SKAP1: variants seen among roughly 807,000 people sequenced by gnomAD.
The protein encoded by SKAP1 is src kinase associated phosphoprotein 1, also known as src kinase-associated phosphoprotein 1.
A neutral mutation model predicts 58.5 loss-of-function variants in SKAP1; 44 were observed. The observed-to-expected ratio is 0.75, with a 90% CI of 0.59 to 0.97. The LOEUF is 0.97. SKAP1 is among the 50% of genes least tolerant of loss of function. The pLI, the probability that SKAP1 is intolerant of heterozygous loss-of-function variation, is 0.00. For synonymous variants in SKAP1, 127 were observed against 149.7 expected (o/e 0.85, Z 1.11); for missense variants, 390 against 435.2 (o/e 0.90, Z 0.92).
the SKAP1 span, among the ~76,000 whole-genome samples, chr17:48,437,480 C>T: frequency 1.3e-5 from 2 of 152,128 alleles, no homozygotes; most frequent in Admixed American, 6.5e-5. Flanking sequence ...TGGTGACTCA[C>T]GCCTGTAATC....
At chr17:48,353,123 A>G (rs1481452844) in intron 3 of SKAP1, among the ~76,000 whole-genome samples, 1 of 152,250 alleles carries the variant, frequency 6.6e-6, no homozygotes, top group Non-Finnish European at 1.5e-5. Context: ...TCCAATTCAT[A>G]GTTGAAATTT....
chr17:48,322,833 C>T (rs1158736056), intron 4 of SKAP1, among the ~76,000 whole-genome samples: 2 of 152,218 alleles, frequency 1.3e-5, no homozygotes, highest in African/African-American at 2.4e-5. Context: ...TGGCGGCTCA[C>T]GCCTGTAATC....
At chr17:48,302,390 T>C (rs2066071158) in intron 4 of SKAP1, among the ~76,000 whole-genome samples, 1 of 152,182 alleles carries the variant, frequency 6.6e-6, no homozygotes, top group Non-Finnish European at 1.5e-5. Flanking sequence ...CAATGAGATG[T>C]AGGGACTTTT....
chr17:48,415,138 T>C (rs1337839015), intron 1 of SKAP1, among the ~76,000 whole-genome samples: 1 of 152,184 alleles, frequency 6.6e-6, no homozygotes, highest in Non-Finnish European at 1.5e-5. Context: ...CAAATGCTGT[T>C]GAAAACAACT....
intron 2 of SKAP1, among the ~76,000 whole-genome samples, chr17:48,391,860 G>A (rs2067351606): frequency 6.9e-6 from 1 of 145,522 alleles, no homozygotes; most frequent in African/African-American, 2.5e-5. Flanking sequence ...AGAAAAAGAT[G>A]TTATGAGTAA....
At chr17:48,294,124 A>C (rs1432560132) in intron 4 of SKAP1, among the ~76,000 whole-genome samples, 3 of 152,214 alleles carry the variant, frequency 2.0e-5, no homozygotes, top group Admixed American at 2.0e-4. Flanking sequence ...TGTTTTCTTA[A>C]CAAAGCTTCA....
In SKAP1 at chr17:48,179,912, C is replaced by A. The variant is rs1220259681; in HGVS notation, c.826+142G>T. 4 of 737,812 alleles carry A rather than the reference C, an allele frequency of 5.4e-6. No homozygotes were observed. The East Asian group carries it at 1.1e-4, about 19-fold the overall frequency. The allele number at this position is 737,812 out of a possible 1,614,324, so 45.7% of individuals were successfully genotyped here. On this transcript the variant is annotated intron_variant, in intron 9 of 12. Coordinates refer to ENST00000336915, the MANE Select transcript of SKAP1 (RefSeq NM_003726.4). ...GCCTCATTACCCACTTCCCTACAAT[C>A]TCATAAAGCGTCCCACATTATCTCC...
At chr17:48,169,187 T>C (rs56342880) in intron 10 of SKAP1, among the ~76,000 whole-genome samples, 1,665 of 152,162 alleles carry the variant, frequency 0.011, 12 homozygotes, top group Non-Finnish European at 0.019. Flanking sequence ...CTCCCAGATA[T>C]AACCTTAGAG....
chr17:48,343,801 T>A (rs928957656), intron 4 of SKAP1, among the ~76,000 whole-genome samples: 2 of 152,184 alleles, frequency 1.3e-5, no homozygotes, highest in African/African-American at 4.8e-5. Context: ...TATGAATCTA[T>A]TTTTTTGGAT....
chr17:48,161,248 TA>T (rs2064063931), intron 11 of SKAP1, among the ~76,000 whole-genome samples: 1 of 151,662 alleles, frequency 6.6e-6, no homozygotes, highest in Non-Finnish European at 1.5e-5. Context: ...TACTGACACA[TA>T]AAAAAAAGAA....
rs111828188 is a variant in SKAP1 at position 48,354,210 on chromosome 17, C to T, written c.179-8204G>A. On this transcript the variant is annotated intron_variant, in intron 3 of 12. Coordinates refer to ENST00000336915, the MANE Select transcript of SKAP1 (RefSeq NM_003726.4). ...ATGGCAAATGGTGACAAGATTCAAC[C>T]TCCCCATGCCACATCCCACTCCAAA... Among the ~76,000 whole-genome samples the T allele has an allele frequency of 5.9e-5, 9 of 152,198 alleles. 3 individuals are homozygous for T. Among genetic ancestry groups the T allele is most frequent in the African/African-American group, 1.7e-4 (7 of 41,532 alleles).
chr17:48,227,038 G>A (rs74533419), intron 4 of SKAP1, among the ~76,000 whole-genome samples: 1 of 152,134 alleles, frequency 6.6e-6, no homozygotes, highest in East Asian at 1.9e-4. Flanking sequence ...TCTAGTTTTG[G>A]TTATTGAGCT....
At chr17:48,223,167 G>C (rs60707285) in intron 4 of SKAP1, among the ~76,000 whole-genome samples, 1 of 151,630 alleles carries the variant, frequency 6.6e-6, no homozygotes, top group Admixed American at 6.6e-5. Flanking sequence ...ATTCCTGTGT[G>C]GTTTTGGAGA....
At chr17:48,339,317 T>G (rs1039325378) in intron 4 of SKAP1, among the ~76,000 whole-genome samples, 3 of 152,190 alleles carry the variant, frequency 2.0e-5, no homozygotes, top group African/African-American at 7.2e-5. Context: ...TATGTATGTA[T>G]GCATATATGT....
At chr17:48,171,859 G>A (rs1567804606) in intron 9 of SKAP1, among the ~76,000 whole-genome samples, 1 of 152,080 alleles carries the variant, frequency 6.6e-6, no homozygotes, top group East Asian at 1.9e-4. Context: ...TCAGGAGTTG[G>A]AGACCAGCCT....
chr17:48,329,643 G>A (rs1438786409), intron 4 of SKAP1, among the ~76,000 whole-genome samples: 4 of 152,176 alleles, frequency 2.6e-5, no homozygotes, highest in Admixed American at 6.5e-5. Flanking sequence ...GGAGGCGGAG[G>A]TTGCAGTGAG....
At chr17:48,371,626 T>C (rs1444657018) in intron 2 of SKAP1, among the ~76,000 whole-genome samples, 1 of 111,086 alleles carries the variant, frequency 9.0e-6, no homozygotes, top group Non-Finnish European at 1.7e-5. Context: ...GGACCAGCCA[T>C]GGGTAACATG....
At chr17:48,440,060 CT>C in the SKAP1 span, among the ~76,000 whole-genome samples, 2 of 152,184 alleles carry the variant, frequency 1.3e-5, no homozygotes, top group East Asian at 1.9e-4. Flanking sequence ...GCAATTGCCC[CT>C]GGCAGCTGAT....
upstream of SKAP1, among the ~76,000 whole-genome samples, chr17:48,433,845 C>T (rs1598698479): frequency 6.6e-6 from 1 of 152,266 alleles, no homozygotes; most frequent in African/African-American, 2.4e-5. Context: ...ATGCTGTCTA[C>T]ATGTTCTCAT....
Sources: gnomAD v4.1 joint callset for allele counts (sites outside exome capture counted in the v4.1 genomes callset) on GRCh38, gnomAD v4.1.1 for gene constraint, MANE v1.5 for transcripts, NCBI Gene and HGNC (gene_info 2026-07-23, HGNC 2026-07-21) for gene names.